ACOX1: variants seen among roughly 807,000 people sequenced by gnomAD.
ACOX1 encodes acyl-CoA oxidase 1, also known as peroxisomal acyl-coenzyme A oxidase 1.
Under a neutral mutation model 75.5 loss-of-function variants are expected in ACOX1, and 41 were observed. That is an observed-to-expected ratio of 0.54 (90% CI 0.42 to 0.70). The LOEUF is 0.70. Ranked by LOEUF, ACOX1 falls within the 30% of genes least tolerant of loss-of-function variation. The probability of loss-of-function intolerance (pLI) is 0.00; values close to 1 mark genes in which losing one functional copy is unlikely to be tolerated. For missense variants in ACOX1, 630 were observed against 837.5 expected, an observed-to-expected ratio of 0.75 and a Z score of 3.06; for synonymous variants, 303 against 298.8, an observed-to-expected ratio of 1.01 and a Z score of -0.15.
intron 2 of ACOX1, among the ~76,000 whole-genome samples, chr17:75,969,629 G>A (rs538618804): frequency 6.6e-6 from 1 of 152,164 alleles, no homozygotes; most frequent in Admixed American, 6.6e-5. Flanking sequence ...GCAACGGAGT[G>A]CGGTAAAGAC....
At chr17:75,951,116 C>T (rs924843832) in intron 8 of ACOX1, 152 bp from the exon 9 acceptor site, 1 of 880,298 alleles carries the variant, frequency 1.1e-6, no homozygotes, top group Admixed American at 2.0e-5. Context: ...TCCGACTGGC[C>T]AGAAGAATAC....
chr17:75,957,716 G>T, intron 3 of ACOX1, 150 bp from the exon 4 acceptor site: 1 of 629,802 alleles, frequency 1.6e-6, no homozygotes. Context: ...ACAACTGGTT[G>T]ATAACCAAGA....
chr17:75,970,167 G>T (rs1018859980), intron 2 of ACOX1, among the ~76,000 whole-genome samples: 1 of 90,858 alleles, frequency 1.1e-5, no homozygotes, highest in Non-Finnish European at 2.2e-5. Flanking sequence ...TCCAGCTTGG[G>T]CAACATGAGA....
chr17:75,975,439 G>A (rs1440883665), intron 2 of ACOX1, among the ~76,000 whole-genome samples: 9 of 152,186 alleles, frequency 5.9e-5, no homozygotes, highest in Non-Finnish European at 8.8e-5. Flanking sequence ...GATTACAGGC[G>A]TGAGCCACCA....
chr17:75,968,241 C>T (rs1275476301), intron 2 of ACOX1, among the ~76,000 whole-genome samples: 1 of 147,636 alleles, frequency 6.8e-6, no homozygotes, highest in African/African-American at 2.5e-5. Flanking sequence ...TCGAGACCAT[C>T]CTGGCTAAAA....
At chr17:75,973,325 C>T (rs547434261) in intron 2 of ACOX1, 5 of 413,570 alleles carry the variant, frequency 1.2e-5, no homozygotes, top group South Asian at 1.1e-4. Flanking sequence ...CCAACAAAGT[C>T]TTTACTCATT....
intron 12 of ACOX1, 94 bp downstream of exon 12, chr17:75,949,123 G>C: frequency 2.7e-6 from 4 of 1,472,316 alleles, no homozygotes; most frequent in South Asian, 2.3e-5. Context: ...GGCTCCCAAA[G>C]TGCTGGGATT....
At position 75,946,674 on chromosome 17, in the gene ACOX1, C is replaced by T. The variant is rs956968709; in HGVS notation, c.*74G>A. On this transcript the variant is annotated 3_prime_UTR_variant, in exon 14 of 14. Coordinates refer to ENST00000293217, the MANE Select transcript of ACOX1 (RefSeq NM_004035.7). ...CATTTGCTCTATAGCTATTTGAATT[C>T]GAAAAAGATTCCACAAAATTTGAGT... is the stretch of plus-strand genomic sequence containing the variant. 213 of 1,355,038 alleles carry T rather than the reference C, an allele frequency of 1.6e-4. No homozygotes were observed. The East Asian group carries it at 3.4e-3, about 22-fold the overall frequency. The allele number at this position is 1,355,038 out of a possible 1,614,324, so 83.9% of individuals were successfully genotyped here.
At position 75,979,105 on chromosome 17, in the gene ACOX1, C is replaced by A. The variant is rs780168104; in HGVS notation, c.-32G>T. ...GACCAGCTGGCAGCGAAGTAAGCAC[C>A]GACCGAGGTGGCAGTGACAATCTAA... On this transcript the variant is annotated 5_prime_UTR_variant, in exon 1 of 14. Transcript: ENST00000293217. The A allele has an allele frequency of 2.5e-6, 4 of 1,607,596 alleles. No individual in the cohort carries two copies. Among genetic ancestry groups the A allele is most frequent in the Admixed American group, 1.7e-5 (1 of 59,990 alleles).
intron 3 of ACOX1, among the ~76,000 whole-genome samples, chr17:75,957,949 A>G (rs1382208108): frequency 2.0e-5 from 3 of 152,216 alleles, no homozygotes; most frequent in African/African-American, 7.2e-5. Context: ...TGCCAATTTC[A>G]AGTCATATGT....
chr17:75,967,217 T>A (rs1055289797), intron 2 of ACOX1, among the ~76,000 whole-genome samples: 1 of 152,066 alleles, frequency 6.6e-6, no homozygotes, highest in African/African-American at 2.4e-5. Flanking sequence ...ACGCCTGTAA[T>A]CCTAGCACTT....
chr17:75,973,908 G>T (rs1257653585), intron 2 of ACOX1: 2 of 922,430 alleles, frequency 2.2e-6, no homozygotes, highest in East Asian at 2.6e-5. Context: ...CCCTTCTTAT[G>T]AAATTAAATA....
chr17:75,973,831 G>A, intron 2 of ACOX1: 1 of 1,603,778 alleles, frequency 6.2e-7, no homozygotes, highest in Non-Finnish European at 8.5e-7. Flanking sequence ...TTTAGAAACT[G>A]CATCCTACAA....
At position 75,950,017 on chromosome 17, in the gene ACOX1, G is replaced by T; in HGVS notation, c.1299-120C>A. On this transcript the variant is annotated intron_variant, in intron 9 of 13. Coordinates refer to ENST00000293217, the MANE Select transcript of ACOX1 (RefSeq NM_004035.7). The surrounding 1 kb of genome is among the most constrained non-coding windows in gnomAD (Gnocchi z 4.3). ...TGCAATGGCCAGATCTCAGCTCACT[G>T]CAACCTCCTCCTCTTGGGTTCAAAT... The T allele has an allele frequency of 9.5e-7, 1 of 1,050,648 alleles. No homozygotes were observed. The highest frequency in any genetic ancestry group is 1.4e-6 in the Non-Finnish European group (1 of 702,660). The allele number at this position is 1,050,648 out of a possible 1,614,324, so 65.1% of individuals were successfully genotyped here.
chr17:75,965,367 G>T (rs376893181), intron 2 of ACOX1, among the ~76,000 whole-genome samples: 1 of 141,664 alleles, frequency 7.1e-6, no homozygotes, highest in Admixed American at 7.1e-5. Flanking sequence ...CCAGAAAAAA[G>T]ATAAATACCT....
At position 75,958,239 on chromosome 17, in the gene ACOX1, G is replaced by A. The variant is rs1312461869; in HGVS notation, c.431-673C>T. Among the ~76,000 whole-genome samples, 18 of 149,632 alleles carry A rather than the reference G, an allele frequency of 1.2e-4. 1 individual carries two copies. Among genetic ancestry groups the A allele is most frequent in the African/African-American group, 4.5e-4 (18 of 39,880 alleles). On this transcript the variant is annotated intron_variant, in intron 3 of 13. Coordinates refer to ENST00000293217, the MANE Select transcript of ACOX1 (RefSeq NM_004035.7). ...ATTGTGGCATGCGCCTGTAGTCCCA[G>A]CTACTAAGGAGGCTGAGGCAGGAGA...
At chr17:75,948,167 A>T in intron 13 of ACOX1, 84 bp downstream of exon 13, 2 of 1,402,968 alleles carry the variant, frequency 1.4e-6, no homozygotes, top group Non-Finnish European at 2.0e-6. Context: ...GAGCTTTCAC[A>T]GATAAATCCC....
chr17:75,973,574 T>C (rs759351629), intron 2 of ACOX1: 50 of 1,599,362 alleles, frequency 3.1e-5, no homozygotes, highest in Non-Finnish European at 4.1e-5. Context: ...GCAATCACTG[T>C]TAACTGATGT....
chr17:75,956,716 T>A (rs950469748), intron 4 of ACOX1, among the ~76,000 whole-genome samples: 7 of 150,480 alleles, frequency 4.7e-5, no homozygotes, highest in Non-Finnish European at 8.9e-5. Context: ...GTGTTAAAAC[T>A]ATTTAAATTT....
Sources: allele counts gnomAD v4.1 joint callset (sites outside exome capture counted in the v4.1 genomes callset), GRCh38; gene constraint gnomAD v4.1.1; non-coding constraint Gnocchi (gnomAD v3.1); transcripts MANE v1.5; gene names NCBI Gene and HGNC (gene_info 2026-07-23, HGNC 2026-07-21).